DOCK4: variants seen among roughly 807,000 people sequenced by gnomAD.
DOCK4 encodes dedicator of cytokinesis protein 4.
In DOCK4, 97 loss-of-function variants were observed where a neutral mutation model predicts 268.1. The ratio of observed to expected loss-of-function variants is 0.36; its 90% CI spans 0.31 to 0.43. DOCK4 has a LOEUF of 0.43. Ranked by LOEUF, DOCK4 falls within the 20% of genes least tolerant of loss-of-function variation. DOCK4 has a pLI of 1.00. For missense variants in DOCK4, 2,145 were observed against 2,455.7 expected (o/e 0.87, Z 2.67); for synonymous variants, 954 against 887.2 (o/e 1.08, Z -1.34).
At chr7:111,933,448 C>T (rs1686777207) in intron 12 of DOCK4, among the ~76,000 whole-genome samples, 1 of 151,364 alleles carries the variant, frequency 6.6e-6, no homozygotes, top group South Asian at 2.1e-4. Flanking sequence ...GCACGCGCCA[C>T]CAGGCCCAGC....
rs570510154 is a variant in DOCK4 at position 112,094,382 on chromosome 7, C to T, written c.38-90251G>A. On this transcript the variant is annotated intron_variant, in intron 1 of 52. Coordinates refer to ENST00000428084, the MANE Select transcript of DOCK4 (RefSeq NM_001363540.2). ...TTCCCAAATGATAGTTATATCAAAT[C>T]GACATAGTTTTTAGGTCAAAACATC... Among the ~76,000 whole-genome samples, 3 of 152,204 alleles carry T rather than the reference C, an allele frequency of 2.0e-5. No individual in the cohort carries two copies. In the East Asian group the frequency reaches 5.8e-4, roughly 29 times the overall value.
At chr7:112,139,314 T>C (rs1284447504) in intron 1 of DOCK4, among the ~76,000 whole-genome samples, 1 of 152,166 alleles carries the variant, frequency 6.6e-6, no homozygotes, top group Non-Finnish European at 1.5e-5. Flanking sequence ...GGCTGAGTCT[T>C]TCGAACAAAG....
chr7:111,887,742 A>G lies in DOCK4; in HGVS notation c.1587+7870T>C, dbSNP rs943045202. On this transcript the variant is annotated intron_variant, in intron 16 of 52. Transcript: ENST00000428084. ...TCATGACGGGAAGGGAAGAAGGAACATGGTGCCTATTTAAAAAAAATTATT... is the reference window on the plus strand; with the variant it reads ...TCATGACGGGAAGGGAAGAAGGAACGTGGTGCCTATTTAAAAAAAATTATT... Among the ~76,000 whole-genome samples, 5 of 146,774 alleles carry G rather than the reference A, an allele frequency of 3.4e-5. No individual in the cohort carries two copies. In the East Asian group the frequency reaches 9.8e-4, roughly 29 times the overall value.
intron 36 of DOCK4, among the ~76,000 whole-genome samples, chr7:111,771,802 C>T (rs1328156715): frequency 6.6e-6 from 1 of 152,184 alleles, no homozygotes; most frequent in Non-Finnish European, 1.5e-5. Context: ...TGATTCACAC[C>T]TAAGGGCCTC....
At chr7:111,819,906 A>G (rs1422239996) in intron 27 of DOCK4, 1 of 152,220 alleles carries the variant, frequency 6.6e-6, no homozygotes, top group African/African-American at 2.4e-5. Context: ...AAGGTGGTCA[A>G]CTTCAGAGAC....
intron 44 of DOCK4, among the ~76,000 whole-genome samples, chr7:111,743,728 G>GGACTT (rs913604536): frequency 2.0e-5 from 3 of 152,120 alleles, no homozygotes; most frequent in Non-Finnish European, 4.4e-5. Flanking sequence ...GACAGAAGCC[G>GGACTT]GACTTGACAA....
chr7:112,066,995 CAA>C (rs776060596), intron 1 of DOCK4, among the ~76,000 whole-genome samples: 1 of 148,958 alleles, frequency 6.7e-6, no homozygotes, highest in Non-Finnish European at 1.5e-5. Flanking sequence ...CACACACACA[CAA>C]AAAAACCAAA....
intron 1 of DOCK4, among the ~76,000 whole-genome samples, chr7:112,060,103 T>C (rs1806263035): frequency 1.3e-5 from 2 of 152,178 alleles, no homozygotes; most frequent in African/African-American, 4.8e-5. Flanking sequence ...TGCCAGCTCC[T>C]AGAGCCAGCT....
chr7:111,837,672 T>C (rs916648454), intron 25 of DOCK4, among the ~76,000 whole-genome samples: 1 of 152,170 alleles, frequency 6.6e-6, no homozygotes, highest in African/African-American at 2.4e-5. Context: ...ACTGATCTAT[T>C]TGACAAAAGA....
chr7:111,992,932 A>G (rs1799650623), intron 5 of DOCK4, among the ~76,000 whole-genome samples: 1 of 152,220 alleles, frequency 6.6e-6, no homozygotes, highest in African/African-American at 2.4e-5. Context: ...AAGAAAATTT[A>G]AAAAGGAGAT....
At chr7:111,740,099 CT>C in intron 47 of DOCK4, 1 of 446,192 alleles carries the variant, frequency 2.2e-6, no homozygotes, top group South Asian at 1.6e-5. Flanking sequence ...CAAATCATGT[CT>C]TTTTTTCTTT....
chr7:112,044,167 A>C (rs1804635244), intron 1 of DOCK4, among the ~76,000 whole-genome samples: 1 of 152,180 alleles, frequency 6.6e-6, no homozygotes. Flanking sequence ...ATGAGGAATA[A>C]ACCTAGGAAG....
intron 8 of DOCK4, among the ~76,000 whole-genome samples, chr7:111,976,199 C>T (rs1212525265): frequency 3.6e-5 from 3 of 83,092 alleles, no homozygotes; most frequent in Admixed American, 2.2e-4. Flanking sequence ...CACGCACACA[C>T]GCACATATGT....
intron 42 of DOCK4, among the ~76,000 whole-genome samples, chr7:111,750,270 G>A (rs1224528038): frequency 6.6e-6 from 1 of 152,142 alleles, no homozygotes; most frequent in Non-Finnish European, 1.5e-5. Context: ...AGAAAAGACA[G>A]GTGACTATGT....
rs372240025 is a variant in DOCK4 at position 112,188,619 on chromosome 7, AC to A, written c.37+17482del. ...ACGCAATAATTCCATGACAATTCAT[AC>A]CCCCCAACCCAGAAGATTTCCCTAC... On this transcript the variant is annotated intron_variant, in intron 1 of 52. Coordinates refer to ENST00000428084, the MANE Select transcript of DOCK4 (RefSeq NM_001363540.2). 2.6e-3 allele frequency among the ~76,000 whole-genome samples: 401 copies of A among 152,290 alleles called. 2 individuals carry two copies. The highest frequency in any genetic ancestry group is 3.9e-3 in the Non-Finnish European group (263 of 68,020).
rs548511727 is a variant in DOCK4, at chr7:112,006,598, T to C, written c.38-2467A>G. ...TAAGCAAAGAAGTTCCCTAATCTCATTGGCCTTCAGATGGTTCCTCTATAA... is the reference window on the plus strand; with the variant it reads ...TAAGCAAAGAAGTTCCCTAATCTCACTGGCCTTCAGATGGTTCCTCTATAA... On this transcript the variant is annotated intron_variant, in intron 1 of 52. Transcript: ENST00000428084. Among the ~76,000 whole-genome samples the C allele has an allele frequency of 8.8e-4, 134 of 152,336 alleles. 3 individuals are homozygous for C. The South Asian group carries it at 0.026, about 29-fold the overall frequency.
chr7:111,902,508 T>G (rs1254155623), intron 13 of DOCK4, among the ~76,000 whole-genome samples: 1 of 152,198 alleles, frequency 6.6e-6, no homozygotes, highest in Non-Finnish European at 1.5e-5. Context: ...TTTCTTATTA[T>G]TGCAAGATAA....
chr7:111,994,329 G>C, intron 4 of DOCK4, 98 bp from the exon 5 acceptor site: 3 of 679,970 alleles, frequency 4.4e-6, no homozygotes. Flanking sequence ...AAGCTGCCTA[G>C]CTATTGTTCG....
intron 1 of DOCK4, among the ~76,000 whole-genome samples, chr7:112,135,453 A>G (rs1484909170): frequency 6.6e-6 from 1 of 152,186 alleles, no homozygotes; most frequent in East Asian, 1.9e-4. Context: ...ACTACATAAG[A>G]CATGATAAAT....
Sources: allele counts gnomAD v4.1 joint callset (sites outside exome capture counted in the v4.1 genomes callset), GRCh38; gene constraint gnomAD v4.1.1; transcripts MANE v1.5; gene names NCBI Gene and HGNC (gene_info 2026-07-23, HGNC 2026-07-21).